HDAC9: variants seen among roughly 807,000 people sequenced by gnomAD.
HDAC9 encodes the protein MEF-2 interacting transcription repressor (MITR) protein.
Under a neutral mutation model 139.4 loss-of-function variants are expected in HDAC9, and 41 were observed. The ratio of observed to expected loss-of-function variants is 0.29; its 90% CI spans 0.23 to 0.38. The LOEUF is 0.38. Among genes scored for constraint, HDAC9 ranks in the 10% least tolerant of loss-of-function variants. The pLI is 1.00. For missense variants in HDAC9, 1,147 were observed against 1,297.0 expected, an observed-to-expected ratio of 0.88 and a Z score of 1.78; for synonymous variants, 517 against 476.2, an observed-to-expected ratio of 1.09 and a Z score of -1.12.
intron 1 of HDAC9, among the ~76,000 whole-genome samples, chr7:18,141,907 A>G (rs756792153): frequency 6.6e-6 from 1 of 152,190 alleles, no homozygotes; most frequent in Non-Finnish European, 1.5e-5. Flanking sequence ...TAGGGAAAGC[A>G]GAGTTTACAA....
At chr7:18,898,758 T>C (rs1801439674) in intron 22 of HDAC9, among the ~76,000 whole-genome samples, 1 of 151,896 alleles carries the variant, frequency 6.6e-6, no homozygotes, top group African/African-American at 2.4e-5. Flanking sequence ...GAGTCTGATT[T>C]AGTTGATTGG....
At chr7:18,458,697 C>T in intron 1 of HDAC9, 2 of 530,450 alleles carry the variant, frequency 3.8e-6, no homozygotes, top group Non-Finnish European at 6.6e-6. Flanking sequence ...CTTAACTAGG[C>T]AAAACTTCGA....
intron 2 of HDAC9, among the ~76,000 whole-genome samples, chr7:18,221,646 C>G (rs574085740): frequency 2.2e-4 from 33 of 152,092 alleles, no homozygotes; most frequent in Non-Finnish European, 2.2e-4. Flanking sequence ...ATGATGCTTC[C>G]TGAGAGAATC....
chr7:18,621,702 A>G (rs1027304109), intron 6 of HDAC9, among the ~76,000 whole-genome samples: 7 of 152,216 alleles, frequency 4.6e-5, no homozygotes, highest in Middle Eastern at 3.2e-3. Context: ...TAGTGTCAAA[A>G]TATATAAAAT....
At chr7:18,824,047 A>AGAGGAAGAGGAAGAG (rs763792667) in intron 17 of HDAC9, among the ~76,000 whole-genome samples, 5 of 133,360 alleles carry the variant, frequency 3.7e-5, no homozygotes, top group African/African-American at 1.2e-4. Context: ...AGGAAGAGGA[A>AGAGGAAGAGGAAGAG]GAAGAAGAAG....
At chr7:18,675,409 T>G (rs1781437421) in intron 12 of HDAC9, among the ~76,000 whole-genome samples, 1 of 152,092 alleles carries the variant, frequency 6.6e-6, no homozygotes, top group Non-Finnish European at 1.5e-5. Context: ...TGGTCAGGAA[T>G]TCTAAATTTT....
At chr7:18,376,523 TG>T (rs1785004783) in intron 1 of HDAC9, among the ~76,000 whole-genome samples, 1 of 152,232 alleles carries the variant, frequency 6.6e-6, no homozygotes. Flanking sequence ...GTTAAATTAC[TG>T]AATTAATTAT....
intron 13 of HDAC9, among the ~76,000 whole-genome samples, chr7:18,733,201 G>T (rs1364512892): frequency 6.8e-6 from 1 of 147,162 alleles, no homozygotes; most frequent in Non-Finnish European, 1.5e-5. Flanking sequence ...ATATACACGT[G>T]TATACATGTG....
intron 1 of HDAC9, among the ~76,000 whole-genome samples, chr7:18,462,209 C>T (rs953290266): frequency 1.3e-5 from 2 of 151,930 alleles, no homozygotes; most frequent in East Asian, 1.9e-4. Context: ...CACAGTCACC[C>T]GCCAGTATTT....
intron 23 of HDAC9, 62 bp downstream of exon 23, chr7:18,936,004 T>A: frequency 6.6e-7 from 1 of 1,510,632 alleles, no homozygotes; most frequent in Admixed American, 2.1e-5. Context: ...CATGCATATT[T>A]TTAAACTAAA....
chr7:18,278,527 T>C (rs996077906), intron 2 of HDAC9, among the ~76,000 whole-genome samples: 6 of 152,206 alleles, frequency 3.9e-5, no homozygotes, highest in African/African-American at 1.4e-4. Flanking sequence ...GTCTCATATT[T>C]AATATAATAC....
chr7:18,136,419 G>T (rs927140970), intron 1 of HDAC9, among the ~76,000 whole-genome samples: 1 of 151,812 alleles, frequency 6.6e-6, no homozygotes, highest in African/African-American at 2.4e-5. Flanking sequence ...TTTTCTTCTA[G>T]GGTTTTTATG....
chr7:18,105,636 T>C (rs925305993), intron 1 of HDAC9, among the ~76,000 whole-genome samples: 2 of 151,088 alleles, frequency 1.3e-5, no homozygotes, highest in African/African-American at 4.9e-5. Flanking sequence ...CAAACTCTGG[T>C]GTTGGTATGA....
intron 25 of HDAC9, among the ~76,000 whole-genome samples, chr7:18,979,756 A>C (rs980183445): frequency 1.3e-5 from 2 of 151,526 alleles, no homozygotes; most frequent in Non-Finnish European, 2.9e-5. Context: ...AGCAGAAGCA[A>C]ACAAGAGAGA....
intron 2 of HDAC9, among the ~76,000 whole-genome samples, chr7:18,505,210 A>C (rs910014532): frequency 6.6e-6 from 1 of 152,354 alleles, no homozygotes; most frequent in East Asian, 1.9e-4. Context: ...GCCAGTGTTC[A>C]TGATACACAG....
At chr7:18,838,058 A>G (rs1562977346) in intron 21 of HDAC9, among the ~76,000 whole-genome samples, 1 of 152,100 alleles carries the variant, frequency 6.6e-6, no homozygotes, top group Non-Finnish European at 1.5e-5. Context: ...GATTTAATTC[A>G]TAAGACTCCT....
intron 1 of HDAC9, among the ~76,000 whole-genome samples, chr7:18,404,239 T>C (rs17139183): frequency 0.012 from 1,806 of 152,264 alleles, 25 homozygotes; most frequent in African/African-American, 0.041. Flanking sequence ...CCAAAAGGTA[T>C]CTATTGATTG....
At chr7:18,684,474 AAAC>A (rs1190434254) in intron 12 of HDAC9, among the ~76,000 whole-genome samples, 3 of 151,744 alleles carry the variant, frequency 2.0e-5, no homozygotes, top group Non-Finnish European at 4.4e-5. Flanking sequence ...ACAAACAAAC[AAAC>A]AAACAAACAA....
At chr7:18,982,189 C>A (rs1334439774) in intron 25 of HDAC9, among the ~76,000 whole-genome samples, 1 of 152,172 alleles carries the variant, frequency 6.6e-6, no homozygotes. Flanking sequence ...AAAGTATCAT[C>A]ATCTCTCATC....
Sources: gnomAD v4.1 joint callset for allele counts (sites outside exome capture counted in the v4.1 genomes callset) on GRCh38, gnomAD v4.1.1 for gene constraint, MANE v1.5 for transcripts, NCBI Gene and HGNC (gene_info 2026-07-23, HGNC 2026-07-21) for gene names.